YARS1: variants seen among roughly 807,000 people sequenced by gnomAD.
YARS1 encodes tyrosine--tRNA ligase, cytoplasmic.
YARS1 carries 36 observed loss-of-function variants against 62.2 expected under a neutral mutation model. That is an observed-to-expected ratio of 0.58 (90% confidence interval 0.44 to 0.76). YARS1 has a LOEUF of 0.76. YARS1 is among the 30% of genes least tolerant of loss of function. YARS1 has a pLI of 0.00. For synonymous variants in YARS1, 234 were observed against 244.9 expected (o/e 0.96, Z 0.42); for missense variants, 524 against 639.8 (o/e 0.82, Z 1.95).
At chr1:32,782,707 G>A (rs879684417) in intron 8 of YARS1, 168 bp from the exon 9 acceptor site, 20 of 848,744 alleles carry the variant, frequency 2.4e-5, no homozygotes, top group African/African-American at 3.4e-5. Flanking sequence ...AAAGACTAAC[G>A]TGTCCAAAAT....
At chr1:32,781,980 A>ATTTT in intron 9 of YARS1, 6 of 144,086 alleles carry the variant, frequency 4.2e-5, no homozygotes, top group South Asian at 3.1e-4. Context: ...TGCCTGGCTA[A>ATTTT]TTTTTTTTTT....
chr1:32,815,081 G>T (rs1266719977), intron 1 of YARS1, among the ~76,000 whole-genome samples: 1 of 152,178 alleles, frequency 6.6e-6, no homozygotes, highest in East Asian at 1.9e-4. Flanking sequence ...CGGGCACTGT[G>T]GCTCACTCTG....
chr1:32,817,304 C>A lies in YARS1; in HGVS notation c.-60G>T, dbSNP rs1638778165. ...GCACCAGAGCCCCTTCCTGGGTCAC[C>A]GTCGCCGCCGCGTGCCGGGAACTGT... On this transcript the variant is annotated 5_prime_UTR_variant, in exon 1 of 13. Transcript: ENST00000373477. 1.9e-6 allele frequency: 3 copies of A among 1,602,338 alleles called. No individual in the cohort carries two copies. The highest frequency in any genetic ancestry group is 3.3e-4 in the Middle Eastern group (2 of 6,022).
chr1:32,801,156 G>C (rs1033961063), intron 4 of YARS1, among the ~76,000 whole-genome samples: 4 of 152,166 alleles, frequency 2.6e-5, no homozygotes, highest in Non-Finnish European at 5.9e-5. Flanking sequence ...AGGAAGCGGG[G>C]AAGGAAGACG....
chr1:32,794,408 G>T (rs866850293), intron 5 of YARS1, among the ~76,000 whole-genome samples: 3 of 151,970 alleles, frequency 2.0e-5, no homozygotes, highest in African/African-American at 7.2e-5. Flanking sequence ...TTTTATTTTT[G>T]AGACAAGGTC....
At chr1:32,798,150 G>T (rs1014758152) in intron 4 of YARS1, 9 of 376,052 alleles carry the variant, frequency 2.4e-5, no homozygotes, top group Non-Finnish European at 4.6e-5. Context: ...GGGATTACAG[G>T]CGAGAGCCAC....
chr1:32,804,988 C>T (rs1569765250), intron 4 of YARS1, among the ~76,000 whole-genome samples: 1 of 152,252 alleles, frequency 6.6e-6, no homozygotes, highest in East Asian at 1.9e-4. Context: ...CCCGGCACCT[C>T]GGGACGCCGA....
intron 5 of YARS1, among the ~76,000 whole-genome samples, chr1:32,797,029 TATATATATATATATATATATAG>T (rs1557457209): frequency 7.1e-5 from 4 of 56,020 alleles, no homozygotes; most frequent in African/African-American, 3.0e-4. Flanking sequence ...TATATATATA[TATATATATATATATATATATAG>T]TAAGCATTTC....
intron 4 of YARS1, 28 bp from the exon 5 acceptor site, chr1:32,797,871 C>T: frequency 6.3e-7 from 1 of 1,596,992 alleles, no homozygotes; most frequent in Non-Finnish European, 8.6e-7. Context: ...TGAACATAAA[C>T]ATCTACTTTA....
At chr1:32,795,485 C>T (rs938651203) in intron 5 of YARS1, among the ~76,000 whole-genome samples, 1 of 151,928 alleles carries the variant, frequency 6.6e-6, no homozygotes, top group Non-Finnish European at 1.5e-5. Flanking sequence ...CAGGGATGGG[C>T]AAACTGTTTT....
At chr1:32,778,737 T>C (rs753938509) in intron 12 of YARS1, among the ~76,000 whole-genome samples, 6,299 of 108,618 alleles carry the variant, frequency 0.058, 191 homozygotes, top group East Asian at 0.14. Flanking sequence ...TTTTCTTTTC[T>C]TTTTTTTTTT....
chr1:32,810,688 T>C lies in YARS1; in HGVS notation c.283A>G (p.Ser95Gly), dbSNP rs1381862660. Residue 95 changes from serine (S) to glycine (G), a missense_variant, in exon 3 of 13, where the codon AGT (serine) becomes GGT (glycine). Transcript: ENST00000373477. Reference protein sequence around the residue: ...APWELLELRVSYYENVIKAML... With the variant: ...APWELLELRVGYYENVIKAML... Reference sequence around the variant, plus strand: ...GCTTTGATCACATTCTCATAGTAACTGACTCGGAGTTCTAGAAGTTCCCAT... The same window carrying C: ...GCTTTGATCACATTCTCATAGTAACCGACTCGGAGTTCTAGAAGTTCCCAT... The C allele has an allele frequency of 1.2e-6, 2 of 1,614,182 alleles. No individual in the cohort carries two copies. Among genetic ancestry groups the C allele is most frequent in the Middle Eastern group, 1.7e-4 (1 of 6,050 alleles).
intron 9 of YARS1, chr1:32,781,592 GTTT>G (rs906959185): frequency 5.6e-6 from 1 of 177,672 alleles, no homozygotes; most frequent in Admixed American, 5.6e-5. Flanking sequence ...GAGTTACTGA[GTTT>G]TTTTCTGGAA....
intron 8 of YARS1, among the ~76,000 whole-genome samples, chr1:32,785,460 C>CA (rs768108945): frequency 3.8e-3 from 405 of 106,520 alleles, no homozygotes; most frequent in African/African-American, 8.8e-3. Flanking sequence ...GACTCTGTCT[C>CA]AAAAAAAAAA....
In YARS1 at chr1:32,806,606, T is replaced by C; in HGVS notation, c.386A>G (p.Tyr129Cys). 6.2e-7 allele frequency: 1 copy of C among 1,614,120 alleles called. No individual in the cohort carries two copies. The highest frequency in any genetic ancestry group is 8.5e-7 in the Non-Finnish European group (1 of 1,180,028). The stretch of plus-strand genomic sequence containing the variant: ...GGAGAGTCTGTACACATCTAGTGTG[T>C]ACTCTCTGAAGAGGAAAGGAAGAGG... ...KGTDYQLSKE[Y>C]TLDVYRLSSV... Residue 129 changes from tyrosine (Y) to cysteine (C), a missense_variant, in exon 4 of 13, where the codon TAC becomes TGC. Coordinates refer to ENST00000373477, the MANE Select transcript of YARS1 (RefSeq NM_003680.4).
chr1:32,805,990 A>G (rs1638457167), intron 4 of YARS1, among the ~76,000 whole-genome samples: 1 of 152,130 alleles, frequency 6.6e-6, no homozygotes, highest in South Asian at 2.1e-4. Flanking sequence ...AAAGTGAGCT[A>G]TGTGTGACTC....
At chr1:32,807,462 TA>T (rs776256710) in intron 3 of YARS1, among the ~76,000 whole-genome samples, 34 of 150,506 alleles carry the variant, frequency 2.3e-4, no homozygotes, top group Non-Finnish European at 4.3e-4. Context: ...TTTTTCCTTT[TA>T]TTTTTTTTTT....
chr1:32,796,937 C>A (rs1215253059), intron 5 of YARS1, among the ~76,000 whole-genome samples: 8 of 112,742 alleles, frequency 7.1e-5, no homozygotes, highest in African/African-American at 2.8e-4. Context: ...TGCACTCCAG[C>A]CTGGGTGACA....
chr1:32,775,690 A>G lies in YARS1; in HGVS notation c.*291T>C, dbSNP rs1052024512. 8 of 457,812 alleles carry G rather than the reference A, an allele frequency of 1.7e-5. No homozygotes were observed. The highest frequency in any genetic ancestry group is 5.8e-5 in the African/African-American group (3 of 51,376). 28.4% of individuals were successfully genotyped at this position (457,812 alleles called of 1,614,324 possible). On this transcript the variant is annotated 3_prime_UTR_variant, in exon 13 of 13. Transcript: ENST00000373477. ...ATAAGGACTGTGGCATAAATTTTTA[A>G]ATGAGTTATATTGAAACCAGATTTC...
Sources: gnomAD v4.1 joint callset for allele counts (sites outside exome capture counted in the v4.1 genomes callset) on GRCh38, gnomAD v4.1.1 for gene constraint, MANE v1.5 for transcripts, NCBI Gene and HGNC (gene_info 2026-07-23, HGNC 2026-07-21) for gene names.